ITGA8: variants seen among roughly 807,000 people sequenced by gnomAD.
The protein encoded by ITGA8 is integrin alpha-8.
In ITGA8, 91 loss-of-function variants were observed where a neutral mutation model predicts 142.3. That is an observed-to-expected ratio of 0.64 (90% CI 0.54 to 0.76). The LOEUF (loss-of-function observed/expected upper bound fraction) is 0.76, where lower values mean the gene tolerates loss of function less well. ITGA8 is among the 30% of genes least tolerant of loss of function. The pLI is 0.00. For missense variants in ITGA8, 1,406 were observed against 1,327.7 expected, an observed-to-expected ratio of 1.06 and a Z score of -0.92; for synonymous variants, 505 against 485.2, an observed-to-expected ratio of 1.04 and a Z score of -0.54.
intron 27 of ITGA8, among the ~76,000 whole-genome samples, chr10:15,532,951 G>T (rs945233850): frequency 1.3e-5 from 2 of 152,174 alleles, no homozygotes; most frequent in Non-Finnish European, 2.9e-5. Flanking sequence ...ACTACATAAT[G>T]GTGTGGGACC....
At chr10:15,665,738 T>C (rs1452835965) in intron 8 of ITGA8, among the ~76,000 whole-genome samples, 1 of 152,236 alleles carries the variant, frequency 6.6e-6, no homozygotes, top group East Asian at 1.9e-4. Flanking sequence ...TACATATGGC[T>C]AGCCAGTTTT....
chr10:15,577,667 G>T (rs1325513674), intron 23 of ITGA8, among the ~76,000 whole-genome samples: 1 of 151,962 alleles, frequency 6.6e-6, no homozygotes, highest in Non-Finnish European at 1.5e-5. Context: ...GTTCTCTAAA[G>T]ATCTCAACTA....
At chr10:15,547,417 C>T (rs1298988135) in intron 27 of ITGA8, among the ~76,000 whole-genome samples, 3 of 152,116 alleles carry the variant, frequency 2.0e-5, no homozygotes, top group Non-Finnish European at 4.4e-5. Context: ...ACTAAAAATA[C>T]AAAAATTAGC....
intron 27 of ITGA8, among the ~76,000 whole-genome samples, chr10:15,535,076 C>T (rs972729677): frequency 2.6e-5 from 4 of 152,162 alleles, no homozygotes; most frequent in Admixed American, 6.5e-5. Context: ...GCTTAGCACC[C>T]GGGCCAGCGG....
chr10:15,541,830 G>A (rs1833575368), intron 27 of ITGA8, among the ~76,000 whole-genome samples: 1 of 150,798 alleles, frequency 6.6e-6, no homozygotes, highest in Non-Finnish European at 1.5e-5. Context: ...ACATATGGCA[G>A]AATTTCAATA....
chr10:15,704,815 T>C (rs1835227839), intron 2 of ITGA8, among the ~76,000 whole-genome samples: 1 of 152,202 alleles, frequency 6.6e-6, no homozygotes, highest in South Asian at 2.1e-4. Flanking sequence ...AAATACAGGA[T>C]AGGATTGGGT....
chr10:15,684,829 A>T (rs1385025232), intron 3 of ITGA8, among the ~76,000 whole-genome samples: 1 of 152,210 alleles, frequency 6.6e-6, no homozygotes, highest in African/African-American at 2.4e-5. Flanking sequence ...TCTTATGAGA[A>T]CAAGTTCCTT....
chr10:15,520,616 C>T (rs1022929175), intron 28 of ITGA8, among the ~76,000 whole-genome samples: 4 of 152,126 alleles, frequency 2.6e-5, no homozygotes, highest in African/African-American at 7.2e-5. Context: ...CTCCGGAGGC[C>T]GAGGCAGCAA....
intron 10 of ITGA8, among the ~76,000 whole-genome samples, chr10:15,657,980 T>C (rs546468359): frequency 1.3e-5 from 2 of 152,226 alleles, no homozygotes; most frequent in Non-Finnish European, 2.9e-5. Context: ...TCTCAAATTA[T>C]AGAAGATTTA....
intron 25 of ITGA8, among the ~76,000 whole-genome samples, chr10:15,559,384 G>T (rs1182860123): frequency 1.3e-5 from 2 of 152,162 alleles, no homozygotes; most frequent in Non-Finnish European, 2.9e-5. Flanking sequence ...TACCTAAGCT[G>T]CCTGCCAGCT....
chr10:15,625,715 G>A (rs1012438229), intron 13 of ITGA8, among the ~76,000 whole-genome samples: 17 of 152,226 alleles, frequency 1.1e-4, no homozygotes, highest in African/African-American at 3.6e-4. Context: ...ACCTCAGAAT[G>A]TGACTGTATT....
rs908697982 is a variant in ITGA8 at position 15,516,197 on chromosome 10, C to T, written c.*961G>A. The T allele has an allele frequency of 6.6e-6, 1 of 152,116 alleles. No homozygotes were observed. The highest frequency in any genetic ancestry group is 2.1e-4 in the South Asian group (1 of 4,824). 9.4% of individuals were successfully genotyped at this position (152,116 alleles called of 1,614,324 possible). On this transcript the variant is annotated 3_prime_UTR_variant, in exon 30 of 30. Transcript: ENST00000378076. ...ATGAACTCTAGACATTTTACCATGACTTTTAAACACTCCAAAGGTAGAGAG... is the reference window on the plus strand; with the variant it reads ...ATGAACTCTAGACATTTTACCATGATTTTTAAACACTCCAAAGGTAGAGAG...
intron 20 of ITGA8, among the ~76,000 whole-genome samples, chr10:15,598,175 T>C (rs1307111219): frequency 1.3e-5 from 2 of 152,174 alleles, no homozygotes; most frequent in Non-Finnish European, 2.9e-5. Context: ...GCCATCGATA[T>C]ATTATCCATC....
At chr10:15,593,902 C>T (rs532859740) in intron 21 of ITGA8, among the ~76,000 whole-genome samples, 1 of 148,894 alleles carries the variant, frequency 6.7e-6, no homozygotes, top group South Asian at 2.1e-4. Context: ...AGTACAGTGG[C>T]ACAATCTCAG....
chr10:15,713,548 T>C (rs1415276164), intron 2 of ITGA8, among the ~76,000 whole-genome samples: 1 of 152,188 alleles, frequency 6.6e-6, no homozygotes, highest in Admixed American at 6.5e-5. Context: ...CATTTTTCTT[T>C]TCTTTGTTCC....
chr10:15,656,282 T>A (rs17137661), intron 10 of ITGA8, among the ~76,000 whole-genome samples: 33,852 of 152,126 alleles, frequency 0.22, 3,967 homozygotes, highest in Admixed American at 0.32. Context: ...TCAATTTGTA[T>A]CGTGCTCATA....
At chr10:15,549,182 CT>C (rs1564346404) in intron 26 of ITGA8, among the ~76,000 whole-genome samples, 2 of 113,722 alleles carry the variant, frequency 1.8e-5, no homozygotes, top group African/African-American at 3.8e-5. Flanking sequence ...GATTTTCTTT[CT>C]TTTTTCTTTT....
chr10:15,684,236 T>C, intron 3 of ITGA8, 109 bp from the exon 4 acceptor site: 1 of 1,201,898 alleles, frequency 8.3e-7, no homozygotes, highest in Non-Finnish European at 1.1e-6. Flanking sequence ...GGTGAATTAA[T>C]TGGCCTCTAG....
intron 2 of ITGA8, among the ~76,000 whole-genome samples, chr10:15,697,743 A>G (rs1290167653): frequency 6.6e-6 from 1 of 152,210 alleles, no homozygotes. Context: ...TATTCTTTAA[A>G]AACATATATC....
Sources: gnomAD v4.1 joint callset for allele counts (sites outside exome capture counted in the v4.1 genomes callset) on GRCh38, gnomAD v4.1.1 for gene constraint, MANE v1.5 for transcripts, NCBI Gene and HGNC (gene_info 2026-07-23, HGNC 2026-07-21) for gene names.